The following FTO variants were observed in gnomAD, a reference collection of about 807,000 sequenced individuals.
FTO encodes the protein alpha-ketoglutarate-dependent dioxygenase FTO.
A neutral mutation model predicts 63.9 loss-of-function variants in FTO; 47 were observed. The observed-to-expected ratio is 0.74, with a 90% confidence interval of 0.58 to 0.94. The LOEUF is 0.94. Ranked by LOEUF, FTO falls within the 40% of genes least tolerant of loss-of-function variation. FTO has a pLI of 0.00. For missense variants in FTO, 562 were observed against 618.1 expected (o/e 0.91, Z 0.96); for synonymous variants, 207 against 224.4 (o/e 0.92, Z 0.69).
At chr16:53,761,188 C>T (rs1327432757) in intron 1 of FTO, among the ~76,000 whole-genome samples, 1 of 152,052 alleles carries the variant, frequency 6.6e-6, no homozygotes, top group African/African-American at 2.4e-5. Context: ...CATAAAACTC[C>T]TGGGCTGAAG....
At chr16:54,060,563 T>C (rs1394068217) in intron 8 of FTO, among the ~76,000 whole-genome samples, 1 of 152,230 alleles carries the variant, frequency 6.6e-6, no homozygotes, top group Admixed American at 6.5e-5. Flanking sequence ...ATCCAATCAG[T>C]GTAGCTCAGA....
chr16:53,723,751 G>A (rs941344600), intron 1 of FTO, among the ~76,000 whole-genome samples: 2 of 152,192 alleles, frequency 1.3e-5, no homozygotes, highest in South Asian at 4.1e-4. Flanking sequence ...GGCACATGGT[G>A]GAAGGAGGGA....
intron 1 of FTO, among the ~76,000 whole-genome samples, chr16:53,706,658 C>G (rs1264275635): frequency 6.6e-6 from 1 of 152,168 alleles, no homozygotes; most frequent in Non-Finnish European, 1.5e-5. Context: ...CTCTGCTACC[C>G]AAAGTACTGG....
At chr16:53,715,566 A>G (rs1308746627) in intron 1 of FTO, among the ~76,000 whole-genome samples, 1 of 152,132 alleles carries the variant, frequency 6.6e-6, no homozygotes, top group Non-Finnish European at 1.5e-5. Context: ...GTTTATGTTT[A>G]TTTCTGCATC....
At chr16:54,007,356 G>A (rs1373304641) in intron 8 of FTO, among the ~76,000 whole-genome samples, 1 of 152,132 alleles carries the variant, frequency 6.6e-6, no homozygotes, top group Non-Finnish European at 1.5e-5. Flanking sequence ...AGTAGAGACA[G>A]TGGTGAAGAG....
intron 8 of FTO, among the ~76,000 whole-genome samples, chr16:53,955,229 C>T (rs35109715): frequency 0.099 from 15,004 of 152,246 alleles, 981 homozygotes; most frequent in South Asian, 0.19. Flanking sequence ...CAAATATTTA[C>T]TGAACACCTA....
intron 5 of FTO, among the ~76,000 whole-genome samples, chr16:53,874,417 A>G (rs185873935): frequency 6.6e-6 from 1 of 152,334 alleles, no homozygotes; most frequent in Admixed American, 6.5e-5. Flanking sequence ...TTAGCTGTTC[A>G]GACTAGTTCA....
chr16:53,945,797 C>T (rs2082638835), intron 8 of FTO, among the ~76,000 whole-genome samples: 2 of 152,166 alleles, frequency 1.3e-5, no homozygotes, highest in Admixed American at 1.3e-4. Context: ...CTGTAAATCT[C>T]TGTAAATCCT....
At chr16:54,061,597 ATGTGTGTT>A (rs1213258914) in intron 8 of FTO, 5 of 130,160 alleles carry the variant, frequency 3.8e-5, no homozygotes, top group African/African-American at 1.8e-4. Context: ...CTGAACTGGC[ATGTGTGTT>A]TGTGTGTGTG....
At chr16:54,086,479 T>C (rs78680133) in intron 8 of FTO, among the ~76,000 whole-genome samples, 2,083 of 147,860 alleles carry the variant, frequency 0.014, 51 homozygotes, top group African/African-American at 0.052. Flanking sequence ...CACCGAGCAG[T>C]TGTTCTGTTG....
chr16:53,920,912 A>G (rs563216320), intron 7 of FTO, among the ~76,000 whole-genome samples: 1 of 152,198 alleles, frequency 6.6e-6, no homozygotes, highest in Non-Finnish European at 1.5e-5. Context: ...TCTCCTGAGC[A>G]GATAAAATTT....
At chr16:54,093,078 A>AGAGT (rs2086431859) in intron 8 of FTO, among the ~76,000 whole-genome samples, 1 of 111,410 alleles carries the variant, frequency 9.0e-6, no homozygotes, top group African/African-American at 3.8e-5. Flanking sequence ...AGCCAGAGCA[A>AGAGT]GAGTGTTCCT....
chr16:53,884,589 TA>T (rs563279084), intron 6 of FTO, among the ~76,000 whole-genome samples: 33 of 152,330 alleles, frequency 2.2e-4, no homozygotes, highest in African/African-American at 7.0e-4. Context: ...ATCAAGAGCC[TA>T]AATAAACTTG....
intron 8 of FTO, among the ~76,000 whole-genome samples, chr16:54,001,286 A>G (rs1215318429): frequency 6.6e-6 from 1 of 152,214 alleles, no homozygotes; most frequent in Non-Finnish European, 1.5e-5. Context: ...TTTCCGTGCC[A>G]TTCTATTCCG....
At chr16:53,852,101 C>CAAAAAA (rs57004473) in intron 4 of FTO, among the ~76,000 whole-genome samples, 11,237 of 54,024 alleles carry the variant, frequency 0.21, 1,073 homozygotes, top group East Asian at 0.33. Context: ...ACAAAAAATA[C>CAAAAAA]AAAAAAAAAA....
chr16:54,092,384 C>T (rs901109681), intron 8 of FTO, among the ~76,000 whole-genome samples: 15 of 152,154 alleles, frequency 9.9e-5, no homozygotes, highest in Non-Finnish European at 1.3e-4. Context: ...GACTTTGACA[C>T]AAATGGGTTG....
chr16:53,948,175 C>G (rs2082693162), intron 8 of FTO, among the ~76,000 whole-genome samples: 1 of 152,060 alleles, frequency 6.6e-6, no homozygotes, highest in Non-Finnish European at 1.5e-5. Context: ...TGCCTCAGAT[C>G]ATTACACTGC....
intron 8 of FTO, among the ~76,000 whole-genome samples, chr16:53,954,330 G>A (rs2082870746): frequency 6.6e-6 from 1 of 151,950 alleles, no homozygotes; most frequent in Middle Eastern, 3.4e-3. Context: ...TCATTTAAAA[G>A]GAGGCAGAAC....
chr16:53,968,713 C>T (rs568903672), intron 8 of FTO, among the ~76,000 whole-genome samples: 8 of 152,182 alleles, frequency 5.3e-5, no homozygotes, highest in Non-Finnish European at 7.3e-5. Flanking sequence ...TTAATGAGAA[C>T]CATAAAAGGA....
Sources: allele counts gnomAD v4.1 joint callset (sites outside exome capture counted in the v4.1 genomes callset), GRCh38; gene constraint gnomAD v4.1.1; transcripts MANE v1.5; gene names NCBI Gene and HGNC (gene_info 2026-07-23, HGNC 2026-07-21).